Variants in MAGI1 observed in about 807,000 individuals in gnomAD.
MAGI1 encodes the protein membrane-associated guanylate kinase, WW and PDZ domain-containing protein 1.
MAGI1 carries 58 observed loss-of-function variants against 139.9 expected under a neutral mutation model. The ratio of observed to expected loss-of-function variants is 0.41; its 90% confidence interval spans 0.34 to 0.52. MAGI1 has a LOEUF of 0.52. MAGI1 is among the 20% of genes least tolerant of loss of function. The probability of loss-of-function intolerance (pLI) is 0.12; values close to 1 mark genes in which losing one functional copy is unlikely to be tolerated. For synonymous variants in MAGI1, 812 were observed against 737.9 expected, an observed-to-expected ratio of 1.10 and a Z score of -1.63; for missense variants, 1,874 against 1,901.6, an observed-to-expected ratio of 0.99 and a Z score of 0.27.
chr3:65,702,956 C>T (rs376931164), intron 1 of MAGI1, among the ~76,000 whole-genome samples: 8 of 152,026 alleles, frequency 5.3e-5, no homozygotes, highest in East Asian at 3.9e-4. Flanking sequence ...TGCAGGACTA[C>T]CCCCTGCTGA....
At chr3:65,569,135 T>C (rs80217133) in intron 2 of MAGI1, among the ~76,000 whole-genome samples, 3,573 of 152,316 alleles carry the variant, frequency 0.023, 87 homozygotes, top group South Asian at 0.041. Flanking sequence ...TGCTACAACC[T>C]GGATGAACTC....
intron 1 of MAGI1, among the ~76,000 whole-genome samples, chr3:65,778,600 T>C (rs2038674896): frequency 6.6e-6 from 1 of 152,048 alleles, no homozygotes; most frequent in Non-Finnish European, 1.5e-5. Flanking sequence ...TGACTTCAAT[T>C]GCACAGGTGA....
intron 1 of MAGI1, among the ~76,000 whole-genome samples, chr3:65,667,242 C>T (rs186521855): frequency 6.6e-6 from 1 of 152,284 alleles, no homozygotes; most frequent in East Asian, 1.9e-4. Context: ...GAAAGTAGGA[C>T]TACAGTATGT....
At chr3:65,810,899 T>C (rs2041188225) in intron 1 of MAGI1, among the ~76,000 whole-genome samples, 1 of 152,216 alleles carries the variant, frequency 6.6e-6, no homozygotes, top group Non-Finnish European at 1.5e-5. Flanking sequence ...TCAGGAGGGC[T>C]CCAGGCAGTA....
chr3:65,363,050 A>AGGT (rs1941046968), intron 21 of MAGI1, among the ~76,000 whole-genome samples: 3 of 151,770 alleles, frequency 2.0e-5, no homozygotes, highest in African/African-American at 7.3e-5. Context: ...CAGCTAGAGG[A>AGGT]TAAGTAGACC....
chr3:65,699,901 A>T (rs189322216), intron 1 of MAGI1, among the ~76,000 whole-genome samples: 283 of 144,924 alleles, frequency 2.0e-3, no homozygotes, highest in East Asian at 0.011. Flanking sequence ...TTAAAAAAAT[A>T]AAAAAAAAAA....
At chr3:65,940,470 G>C (rs1201730087) in intron 1 of MAGI1, among the ~76,000 whole-genome samples, 1 of 152,142 alleles carries the variant, frequency 6.6e-6, no homozygotes, top group Non-Finnish European at 1.5e-5. Flanking sequence ...TGGCAGAAAA[G>C]AAAGTGAGAA....
intron 5 of MAGI1, among the ~76,000 whole-genome samples, chr3:65,467,835 T>C (rs1443541748): frequency 6.6e-6 from 1 of 152,236 alleles, no homozygotes; most frequent in Non-Finnish European, 1.5e-5. Context: ...TAATGTGACA[T>C]AATTTCGAAG....
At chr3:65,985,131 G>A (rs534692355) in intron 1 of MAGI1, among the ~76,000 whole-genome samples, 12 of 152,284 alleles carry the variant, frequency 7.9e-5, no homozygotes, top group African/African-American at 2.6e-4. Context: ...TTTCTGTGAG[G>A]AGCGAGATAG....
intron 1 of MAGI1, among the ~76,000 whole-genome samples, chr3:65,766,955 C>G (rs1210354412): frequency 6.6e-6 from 1 of 152,132 alleles, no homozygotes; most frequent in African/African-American, 2.4e-5. Flanking sequence ...TGCTTGGGTT[C>G]TAGTCCGAAT....
At position 65,460,995 on chromosome 3, in the gene MAGI1, G is replaced by A. The variant is rs142746837; in HGVS notation, c.960-7655C>T. ...CCAAGTCTTTGCTATTGTGAATAGG[G>A]CTGCAATAAACATACGTGTGCATGT... On this transcript the variant is annotated intron_variant, in intron 5 of 22. Transcript: ENST00000402939. Among the ~76,000 whole-genome samples, 137 of 152,238 alleles carry A rather than the reference G, an allele frequency of 9.0e-4. 2 individuals carry two copies. The East Asian group carries it at 0.026, about 28-fold the overall frequency.
intron 1 of MAGI1, among the ~76,000 whole-genome samples, chr3:65,716,732 T>A (rs954457953): frequency 2.0e-5 from 3 of 152,216 alleles, no homozygotes; most frequent in Non-Finnish European, 2.9e-5. Context: ...AACTCTGCAT[T>A]CAATGAGTAC....
intron 1 of MAGI1, among the ~76,000 whole-genome samples, chr3:65,904,915 A>G (rs2061376734): frequency 6.6e-6 from 1 of 152,090 alleles, no homozygotes; most frequent in Non-Finnish European, 1.5e-5. Flanking sequence ...TTGGAGACAA[A>G]GCTTAAGCAG....
chr3:65,519,763 C>A (rs1303328756), intron 2 of MAGI1, among the ~76,000 whole-genome samples: 2 of 152,138 alleles, frequency 1.3e-5, no homozygotes, highest in African/African-American at 4.8e-5. Context: ...GAAAGAGGAA[C>A]AACAGTTTGG....
chr3:65,358,747 G>A (rs750165806), intron 22 of MAGI1, among the ~76,000 whole-genome samples: 7 of 152,154 alleles, frequency 4.6e-5, no homozygotes, highest in Non-Finnish European at 8.8e-5. Context: ...AAAGCCCTAC[G>A]ATACAGGGCT....
At chr3:65,427,449 C>T (rs1417759431) in intron 12 of MAGI1, among the ~76,000 whole-genome samples, 1 of 152,076 alleles carries the variant, frequency 6.6e-6, no homozygotes, top group East Asian at 1.9e-4. Flanking sequence ...GTTTGGTCTC[C>T]TTAGAAGTGA....
intron 1 of MAGI1, among the ~76,000 whole-genome samples, chr3:65,939,043 C>G (rs2063187297): frequency 6.6e-6 from 1 of 152,030 alleles, no homozygotes; most frequent in South Asian, 2.1e-4. Flanking sequence ...TTTGCGCCCC[C>G]ATCCCAAAAT....
At chr3:65,756,359 TA>T (rs1399738825) in intron 1 of MAGI1, among the ~76,000 whole-genome samples, 2 of 152,180 alleles carry the variant, frequency 1.3e-5, no homozygotes, top group African/African-American at 4.8e-5. Context: ...GATGGGGATC[TA>T]AAGAAAAGAG....
chr3:65,679,294 G>A (rs968964266), intron 1 of MAGI1, among the ~76,000 whole-genome samples: 14 of 152,262 alleles, frequency 9.2e-5, no homozygotes, highest in African/African-American at 3.4e-4. Flanking sequence ...CTTCATCTCA[G>A]GACCACCCTT....
Sources: allele counts gnomAD v4.1 joint callset (sites outside exome capture counted in the v4.1 genomes callset), GRCh38; gene constraint gnomAD v4.1.1; transcripts MANE v1.5; gene names NCBI Gene and HGNC (gene_info 2026-07-23, HGNC 2026-07-21).